The following ADAMTS17 variants were observed in gnomAD, a reference collection of about 807,000 sequenced individuals.
The protein encoded by ADAMTS17 is A disintegrin and metalloproteinase with thrombospondin motifs 17.
Under a neutral mutation model 141.5 loss-of-function variants are expected in ADAMTS17, and 113 were observed. The observed-to-expected ratio is 0.80, with a 90% CI of 0.69 to 0.93. The LOEUF is 0.93. ADAMTS17 is among the 40% of genes least tolerant of loss of function. The probability of loss-of-function intolerance (pLI) is 0.00; values close to 1 mark genes in which losing one functional copy is unlikely to be tolerated. For missense variants in ADAMTS17, 1,659 were observed against 1,517.9 expected (o/e 1.09, Z -1.54); for synonymous variants, 768 against 630.6 (o/e 1.22, Z -3.27).
At chr15:100,185,387 A>C (rs1596218661) in intron 8 of ADAMTS17, among the ~76,000 whole-genome samples, 1 of 152,350 alleles carries the variant, frequency 6.6e-6, no homozygotes, top group East Asian at 1.9e-4. Flanking sequence ...GTGAACCCAC[A>C]GTGTGCACTG....
intron 15 of ADAMTS17, among the ~76,000 whole-genome samples, chr15:100,059,302 A>G (rs2032922294): frequency 6.6e-6 from 1 of 152,256 alleles, no homozygotes; most frequent in Non-Finnish European, 1.5e-5. Context: ...AGTGGCTGCA[A>G]GTTCTGGCGC....
chr15:100,161,149 T>C (rs1052633766), intron 8 of ADAMTS17, among the ~76,000 whole-genome samples: 1 of 152,180 alleles, frequency 6.6e-6, no homozygotes, highest in East Asian at 1.9e-4. Context: ...TATCTTAAAA[T>C]AACATGCTGC....
chr15:100,172,461 A>G (rs2040195593), intron 8 of ADAMTS17, among the ~76,000 whole-genome samples: 1 of 152,220 alleles, frequency 6.6e-6, no homozygotes, highest in Non-Finnish European at 1.5e-5. Context: ...AGTAGTTCAC[A>G]TCTGTTCCCC....
intron 2 of ADAMTS17, among the ~76,000 whole-genome samples, chr15:100,336,574 T>C (rs1183096516): frequency 6.6e-6 from 1 of 152,222 alleles, no homozygotes; most frequent in East Asian, 1.9e-4. Context: ...TCAGCAATAA[T>C]AAGTAATCAC....
rs892663501 is a variant in ADAMTS17, at chr15:99,993,677, C to T, written c.2797-477G>A. ...TTGGACCAGCCTGGGACAAACTCCT[C>T]GATCCAGCCGGGAGAAGGAGGAGGA... On this transcript the variant is annotated intron_variant, in intron 19 of 21. Coordinates refer to ENST00000268070, the MANE Select transcript of ADAMTS17 (RefSeq NM_139057.4). This position sits in a 1 kb window ranked among gnomAD's most constrained non-coding sequence, Gnocchi z 4.3. Among the ~76,000 whole-genome samples, 4 of 152,056 alleles carry T rather than the reference C, an allele frequency of 2.6e-5. No individual in the cohort carries two copies. Among genetic ancestry groups the T allele is most frequent in the African/African-American group, 4.8e-5 (2 of 41,390 alleles).
chr15:99,997,574 C>CG lies in ADAMTS17; in HGVS notation c.2606dup (p.Trp870ValfsTer9). The CG allele has an allele frequency of 6.2e-7, 1 of 1,612,422 alleles. No homozygotes were observed. Among genetic ancestry groups the CG allele is most frequent in the Non-Finnish European group, 8.5e-7 (1 of 1,179,528 alleles). On this transcript the variant is annotated frameshift_variant, in exon 19 of 22. Transcript: ENST00000268070. LOFTEE classifies it high-confidence loss of function. The surrounding 1 kb of genome is among the most constrained non-coding windows in gnomAD (Gnocchi z 4.7). ...CACAGGTCGCCGAGCAGGGGCTCCA[C>CG]GGGCCTGCCACCCACCTGCCAGACG...
intron 14 of ADAMTS17, among the ~76,000 whole-genome samples, chr15:100,102,351 ATTT>A: frequency 1.5e-5 from 2 of 131,898 alleles, no homozygotes; most frequent in African/African-American, 6.4e-5. Flanking sequence ...GGGGATCTAC[ATTT>A]GAGGGCCAAC....
At chr15:100,106,603 C>T (rs2036427633) in intron 14 of ADAMTS17, among the ~76,000 whole-genome samples, 1 of 152,198 alleles carries the variant, frequency 6.6e-6, no homozygotes, top group South Asian at 2.1e-4. Flanking sequence ...ACTGGCTAGA[C>T]AATTTTAGGA....
intron 7 of ADAMTS17, among the ~76,000 whole-genome samples, chr15:100,240,738 T>C (rs1055288548): frequency 6.6e-6 from 1 of 152,242 alleles, no homozygotes; most frequent in Non-Finnish European, 1.5e-5. Flanking sequence ...AGACGCGGTA[T>C]AAGGCCAAGT....
At chr15:100,265,540 C>G (rs2043682645) in intron 4 of ADAMTS17, among the ~76,000 whole-genome samples, 1 of 152,220 alleles carries the variant, frequency 6.6e-6, no homozygotes, top group South Asian at 2.1e-4. Context: ...CTGCAGCACA[C>G]TACGGCTTCT....
chr15:100,303,934 G>A (rs2141827911), intron 3 of ADAMTS17, among the ~76,000 whole-genome samples: 1 of 152,282 alleles, frequency 6.6e-6, no homozygotes, highest in East Asian at 1.9e-4. Flanking sequence ...ACGTTGGGCA[G>A]GCTGGTCTCC....
intron 8 of ADAMTS17, among the ~76,000 whole-genome samples, chr15:100,174,782 T>C (rs1443812956): frequency 6.6e-6 from 1 of 152,200 alleles, no homozygotes; most frequent in Non-Finnish European, 1.5e-5. Flanking sequence ...GAATGTGGTT[T>C]CAAGCAAGGC....
At chr15:100,014,631 G>A (rs147579343) in intron 18 of ADAMTS17, among the ~76,000 whole-genome samples, 2,127 of 152,156 alleles carry the variant, frequency 0.014, 45 homozygotes, top group African/African-American at 0.047. Context: ...ATGCTCATTC[G>A]GGAGCAGGTT....
intron 7 of ADAMTS17, among the ~76,000 whole-genome samples, chr15:100,204,552 C>T (rs563705627): frequency 2.0e-5 from 3 of 152,124 alleles, no homozygotes; most frequent in Non-Finnish European, 4.4e-5. Context: ...GTCTTAGAGG[C>T]TAGGATGTGA....
intron 15 of ADAMTS17, among the ~76,000 whole-genome samples, chr15:100,082,263 A>G (rs2034791382): frequency 1.3e-5 from 2 of 151,986 alleles, no homozygotes; most frequent in African/African-American, 4.8e-5. Flanking sequence ...ATGGGGTTTT[A>G]CCATGTTAGC....
chr15:99,975,839 A>G (rs1302058804), intron 21 of ADAMTS17, among the ~76,000 whole-genome samples: 1 of 151,520 alleles, frequency 6.6e-6, no homozygotes, highest in African/African-American at 2.4e-5. Flanking sequence ...TGTGTTGGAG[A>G]CAGCAGTAAG....
chr15:100,226,733 G>C lies in ADAMTS17; in HGVS notation c.1076-27310C>G, dbSNP rs542201836. Among the ~76,000 whole-genome samples the C allele has an allele frequency of 1.3e-3, 198 of 152,334 alleles. 1 individual carries two copies. Among genetic ancestry groups the C allele is most frequent in the African/African-American group, 4.6e-3 (190 of 41,566 alleles). ...TGGCATTTTACCTTGTGGATGCAGA[G>C]AAACCAATGGTGAGTTTTATACATG... On this transcript the variant is annotated intron_variant, in intron 7 of 21. Transcript: ENST00000268070.
intron 8 of ADAMTS17, among the ~76,000 whole-genome samples, chr15:100,182,079 A>C (rs192152033): frequency 6.6e-6 from 1 of 152,314 alleles, no homozygotes; most frequent in Admixed American, 6.5e-5. Flanking sequence ...TCCACTGTGC[A>C]TTAGGCCATT....
intron 18 of ADAMTS17, among the ~76,000 whole-genome samples, chr15:99,999,678 C>T (rs1249968588): frequency 2.0e-5 from 3 of 152,098 alleles, no homozygotes; most frequent in Non-Finnish European, 4.4e-5. Context: ...ATGTTCCTTT[C>T]GGCTCTGAGA....
Sources: gnomAD v4.1 joint callset for allele counts (sites outside exome capture counted in the v4.1 genomes callset) on GRCh38, gnomAD v4.1.1 for gene constraint, Gnocchi (gnomAD v3.1) non-coding constraint, MANE v1.5 for transcripts, NCBI Gene and HGNC (gene_info 2026-07-23, HGNC 2026-07-21) for gene names.